The following PTPRM variants were observed in gnomAD, a reference collection of about 807,000 sequenced individuals.
The protein encoded by PTPRM is receptor-type tyrosine-protein phosphatase mu.
A neutral mutation model predicts 186.7 loss-of-function variants in PTPRM; 47 were observed. The observed-to-expected ratio is 0.25, with a 90% CI of 0.20 to 0.32. PTPRM has a LOEUF of 0.32. PTPRM is among the 10% of genes least tolerant of loss of function. The probability of loss-of-function intolerance (pLI) is 1.00; values close to 1 mark genes in which losing one functional copy is unlikely to be tolerated. For missense variants in PTPRM, 1,494 were observed against 1,865.0 expected (o/e 0.80, Z 3.66); for synonymous variants, 668 against 674.9 (o/e 0.99, Z 0.16).
chr18:8,033,215 G>A (rs772738738), intron 7 of PTPRM, among the ~76,000 whole-genome samples: 1 of 152,024 alleles, frequency 6.6e-6, no homozygotes, highest in Non-Finnish European at 1.5e-5. Context: ...ACTGGGCAAA[G>A]GATTATAACA....
intron 14 of PTPRM, among the ~76,000 whole-genome samples, chr18:8,213,002 G>C (rs1308965814): frequency 1.3e-5 from 2 of 152,080 alleles, no homozygotes; most frequent in Non-Finnish European, 2.9e-5. Context: ...TGAAAATAGA[G>C]AACTCAAGCT....
At chr18:7,651,291 T>C (rs879822336) in intron 1 of PTPRM, among the ~76,000 whole-genome samples, 6 of 152,060 alleles carry the variant, frequency 3.9e-5, no homozygotes, top group Non-Finnish European at 5.9e-5. Context: ...GCTTGACTGA[T>C]GAAAGAAAAC....
chr18:8,003,194 C>G (rs759926346), intron 7 of PTPRM, among the ~76,000 whole-genome samples: 10 of 152,198 alleles, frequency 6.6e-5, no homozygotes, highest in Non-Finnish European at 1.2e-4. Context: ...GTGGTTTCCC[C>G]CATACTGTTC....
At chr18:8,334,951 G>A (rs1007763671) in intron 22 of PTPRM, among the ~76,000 whole-genome samples, 1 of 152,136 alleles carries the variant, frequency 6.6e-6, no homozygotes, top group Non-Finnish European at 1.5e-5. Flanking sequence ...GCCCACACCT[G>A]ATCAAACCTC....
rs1312603322 is a variant in PTPRM, at chr18:7,964,041, G to GA, written c.1132+8635dup. ...CCCAAATCTCTTATATATTTAGTAA[G>GA]AAAAAAAATTATTGATGATGACATG... is the stretch of plus-strand genomic sequence containing the variant. On this transcript the variant is annotated intron_variant, in intron 7 of 32. Transcript: ENST00000580170. Among the ~76,000 whole-genome samples, 11 of 151,786 alleles carry GA rather than the reference G, an allele frequency of 7.2e-5. No homozygotes were observed. The South Asian group carries it at 1.0e-3, about 14-fold the overall frequency.
At chr18:8,126,739 A>C (rs1297905780) in intron 13 of PTPRM, among the ~76,000 whole-genome samples, 2 of 152,190 alleles carry the variant, frequency 1.3e-5, no homozygotes, top group African/African-American at 2.4e-5. Flanking sequence ...AGCCACACTG[A>C]GTAGCAAGGA....
intron 2 of PTPRM, among the ~76,000 whole-genome samples, chr18:7,781,784 A>AGG (rs1011264393): frequency 4.6e-5 from 7 of 152,282 alleles, no homozygotes; most frequent in Non-Finnish European, 7.4e-5. Context: ...AATGTTTGGG[A>AGG]GGTGGGCATT....
intron 14 of PTPRM, among the ~76,000 whole-genome samples, chr18:8,210,616 A>G (rs2093990508): frequency 6.6e-6 from 1 of 152,204 alleles, no homozygotes; most frequent in African/African-American, 2.4e-5. Flanking sequence ...GGAAATTAGC[A>G]CAGAATCCAA....
rs1224226640 is a variant in PTPRM at position 7,668,669 on chromosome 18, C to T, written c.73+100778C>T. Among the ~76,000 whole-genome samples the T allele has an allele frequency of 1.3e-5, 2 of 152,122 alleles. No individual in the cohort carries two copies. The highest frequency in any genetic ancestry group is 6.5e-5 in the Admixed American group (1 of 15,278). On this transcript the variant is annotated intron_variant, in intron 1 of 32. Coordinates refer to ENST00000580170, the MANE Select transcript of PTPRM (RefSeq NM_001105244.2). The surrounding 1 kb of genome is among the most constrained non-coding windows in gnomAD (Gnocchi z 4.7). ...CCTCCTGCCAGTGGGGCCTCTGCTG[C>T]CTCAGCTCCCTCCCTGGAGGCTGTA...
intron 7 of PTPRM, among the ~76,000 whole-genome samples, chr18:8,032,749 A>C (rs1370856202): frequency 6.6e-6 from 1 of 152,138 alleles, no homozygotes; most frequent in African/African-American, 2.4e-5. Flanking sequence ...TAGAAAATAC[A>C]AGCATATTAA....
intron 2 of PTPRM, among the ~76,000 whole-genome samples, chr18:7,830,053 A>G (rs1239802388): frequency 6.6e-6 from 1 of 152,216 alleles, no homozygotes; most frequent in African/African-American, 2.4e-5. Flanking sequence ...ATGAGTTAAA[A>G]TCTCGTTAAC....
intron 1 of PTPRM, among the ~76,000 whole-genome samples, chr18:7,579,217 C>A (rs2036780947): frequency 6.6e-6 from 1 of 152,152 alleles, no homozygotes; most frequent in African/African-American, 2.4e-5. Flanking sequence ...GGCCCTGCAT[C>A]CTGGATACCT....
chr18:7,680,299 G>A (rs928270200), intron 1 of PTPRM, among the ~76,000 whole-genome samples: 10 of 152,180 alleles, frequency 6.6e-5, no homozygotes, highest in African/African-American at 2.4e-4. Context: ...TGTGGATTCT[G>A]TGTAGTGTGT....
At chr18:7,766,770 G>A (rs1468154260) in intron 1 of PTPRM, among the ~76,000 whole-genome samples, 1 of 152,152 alleles carries the variant, frequency 6.6e-6, no homozygotes, top group Admixed American at 6.5e-5. Flanking sequence ...TTGCCCACTA[G>A]TACAGAAAAC....
intron 1 of PTPRM, among the ~76,000 whole-genome samples, chr18:7,700,446 G>A (rs1050673261): frequency 2.6e-5 from 4 of 152,194 alleles, no homozygotes; most frequent in African/African-American, 9.6e-5. Flanking sequence ...AGCTGTAGAA[G>A]CTGAAGTCCT....
intron 1 of PTPRM, among the ~76,000 whole-genome samples, chr18:7,724,150 T>G (rs1369111691): frequency 3.3e-5 from 5 of 152,112 alleles, no homozygotes; most frequent in Non-Finnish European, 7.4e-5. Context: ...TGTCGTGTCT[T>G]GCATATAGTT....
At chr18:8,240,151 G>C (rs2094398798) in intron 14 of PTPRM, among the ~76,000 whole-genome samples, 1 of 152,118 alleles carries the variant, frequency 6.6e-6, no homozygotes, top group Admixed American at 6.6e-5. Flanking sequence ...GAAAAAGAGA[G>C]AAACAAACTA....
intron 13 of PTPRM, among the ~76,000 whole-genome samples, chr18:8,126,718 G>A (rs777296350): frequency 3.3e-5 from 5 of 152,146 alleles, no homozygotes; most frequent in Non-Finnish European, 5.9e-5. Flanking sequence ...AGATATAACT[G>A]ATTGGATCTT....
At chr18:8,405,436 C>T (rs1186893135) in intron 32 of PTPRM, among the ~76,000 whole-genome samples, 2 of 152,332 alleles carry the variant, frequency 1.3e-5, no homozygotes, top group African/African-American at 4.8e-5. Flanking sequence ...CTCCACTCCA[C>T]GCATCAGTTC....
Sources: gnomAD v4.1 joint callset for allele counts (sites outside exome capture counted in the v4.1 genomes callset) on GRCh38, gnomAD v4.1.1 for gene constraint, Gnocchi (gnomAD v3.1) non-coding constraint, MANE v1.5 for transcripts, NCBI Gene and HGNC (gene_info 2026-07-23, HGNC 2026-07-21) for gene names.